ASIC2: variants seen among roughly 807,000 people sequenced by gnomAD.
The protein encoded by ASIC2 is acid sensing ion channel subunit 2.
Under a neutral mutation model 57.3 loss-of-function variants are expected in ASIC2, and 25 were observed. That is an observed-to-expected ratio of 0.44 (90% CI 0.32 to 0.61). The LOEUF is 0.61. Among genes scored for constraint, ASIC2 ranks in the 20% least tolerant of loss-of-function variants. ASIC2 has a pLI of 0.06. For missense variants in ASIC2, 641 were observed against 738.1 expected (o/e 0.87, Z 1.52); for synonymous variants, 319 against 307.5 (o/e 1.04, Z -0.39).
intron 1 of ASIC2, among the ~76,000 whole-genome samples, chr17:33,683,397 G>T: frequency 6.6e-6 from 1 of 152,186 alleles, no homozygotes; most frequent in East Asian, 1.9e-4. Context: ...TTGAAGACAA[G>T]TTCTTGCTCT....
At chr17:33,956,115 C>A (rs1184528764) in intron 1 of ASIC2, among the ~76,000 whole-genome samples, 1 of 151,986 alleles carries the variant, frequency 6.6e-6, no homozygotes, top group Non-Finnish European at 1.5e-5. Context: ...CAAGAAATAG[C>A]TAATGAATTG....
intron 1 of ASIC2, among the ~76,000 whole-genome samples, chr17:33,814,037 C>CT (rs1912506491): frequency 6.6e-6 from 1 of 152,086 alleles, no homozygotes; most frequent in African/African-American, 2.4e-5. Context: ...ACAGAGCATA[C>CT]TGCAGGGGGA....
intron 1 of ASIC2, among the ~76,000 whole-genome samples, chr17:33,217,781 G>A (rs1907551538): frequency 6.6e-6 from 1 of 152,222 alleles, no homozygotes; most frequent in East Asian, 1.9e-4. Flanking sequence ...AGGATTAAAT[G>A]AGATAATGCA....
chr17:33,583,747 T>C (rs1324264091), intron 1 of ASIC2, among the ~76,000 whole-genome samples: 1 of 152,240 alleles, frequency 6.6e-6, no homozygotes, highest in East Asian at 1.9e-4. Context: ...CATACCAATG[T>C]TCAAGGGTGA....
intron 1 of ASIC2, among the ~76,000 whole-genome samples, chr17:33,813,238 A>G (rs1053695745): frequency 3.3e-5 from 5 of 152,170 alleles, no homozygotes; most frequent in African/African-American, 1.2e-4. Flanking sequence ...GACTAGGGAT[A>G]TTAGTGACAT....
chr17:33,590,647 A>G (rs1290951088), intron 1 of ASIC2, among the ~76,000 whole-genome samples: 1 of 151,732 alleles, frequency 6.6e-6, no homozygotes, highest in Non-Finnish European at 1.5e-5. Flanking sequence ...CAATCTCTAC[A>G]CAACACCTCA....
chr17:33,185,159 A>G (rs1597620409), intron 1 of ASIC2, among the ~76,000 whole-genome samples: 1 of 152,222 alleles, frequency 6.6e-6, no homozygotes, highest in Non-Finnish European at 1.5e-5. Context: ...ACTGGCATTC[A>G]TAAGAATTAG....
At chr17:33,532,574 A>T (rs1361990503) in intron 1 of ASIC2, among the ~76,000 whole-genome samples, 1 of 152,206 alleles carries the variant, frequency 6.6e-6, no homozygotes, top group Non-Finnish European at 1.5e-5. Flanking sequence ...AAGAAAGAAG[A>T]TGCTGTAAAA....
chr17:33,133,923 A>G (rs980461756), intron 1 of ASIC2, among the ~76,000 whole-genome samples: 1 of 152,202 alleles, frequency 6.6e-6, no homozygotes, highest in African/African-American at 2.4e-5. Context: ...TCAACCCACA[A>G]AAGACAGTCT....
intron 1 of ASIC2, among the ~76,000 whole-genome samples, chr17:33,143,425 G>T (rs990243824): frequency 6.6e-6 from 1 of 152,148 alleles, no homozygotes; most frequent in South Asian, 2.1e-4. Context: ...CCTACTATGT[G>T]CCAGGTACCA....
At chr17:33,587,143 TGTGGCTGTTTTTG>T (rs764936366) in intron 1 of ASIC2, among the ~76,000 whole-genome samples, 1 of 152,230 alleles carries the variant, frequency 6.6e-6, no homozygotes, top group Non-Finnish European at 1.5e-5. Context: ...ATGTATTGTC[TGTGGCTGTTTTTG>T]GTGCTACCAT....
intron 1 of ASIC2, among the ~76,000 whole-genome samples, chr17:33,549,972 T>C (rs985545892): frequency 2.0e-5 from 3 of 152,184 alleles, no homozygotes; most frequent in Non-Finnish European, 4.4e-5. Flanking sequence ...CTGGACCAGC[T>C]TCACCTCCAG....
intron 1 of ASIC2, chr17:33,626,945 G>C (rs1906004616): frequency 6.6e-6 from 1 of 152,108 alleles, no homozygotes. Flanking sequence ...ACACTCCTTA[G>C]CTTTGTGCAC....
chr17:33,745,866 G>A (rs1910243341), intron 1 of ASIC2, among the ~76,000 whole-genome samples: 2 of 152,018 alleles, frequency 1.3e-5, no homozygotes, highest in South Asian at 4.1e-4. Flanking sequence ...AAAACAAAGA[G>A]CACAAGCAAA....
chr17:33,103,888 G>C (rs1597579287), intron 2 of ASIC2, among the ~76,000 whole-genome samples: 1 of 152,198 alleles, frequency 6.6e-6, no homozygotes, highest in Non-Finnish European at 1.5e-5. Context: ...GGCCATGGGA[G>C]GATGTGTGGG....
chr17:33,208,197 G>C lies in ASIC2; in HGVS notation c.708+83211C>G, dbSNP rs374435778. On this transcript the variant is annotated intron_variant, in intron 1 of 9. Transcript: ENST00000225823. ...TGGGGACTGAGGTGGGTTTGGGAAG[G>C]TGCATCTTACCTGCTGGTGTTGGTG... is the stretch of plus-strand genomic sequence containing the variant. 1.8e-4 allele frequency among the ~76,000 whole-genome samples: 28 copies of C among 152,292 alleles called. No homozygotes were observed. In the South Asian group the frequency reaches 5.2e-3, roughly 28 times the overall value.
At chr17:33,693,299 T>TA in intron 1 of ASIC2, among the ~76,000 whole-genome samples, 1 of 151,944 alleles carries the variant, frequency 6.6e-6, no homozygotes, top group Middle Eastern at 3.4e-3. Flanking sequence ...GCATTAAATT[T>TA]GTAGATGAAC....
intron 1 of ASIC2, among the ~76,000 whole-genome samples, chr17:33,565,556 T>G (rs1916207786): frequency 6.6e-6 from 1 of 152,182 alleles, no homozygotes; most frequent in Admixed American, 6.5e-5. Flanking sequence ...CCCATGCACG[T>G]CCTCATCTTC....
chr17:34,134,454 A>G (rs147859524), intron 1 of ASIC2, among the ~76,000 whole-genome samples: 223 of 152,296 alleles, frequency 1.5e-3, no homozygotes, highest in Non-Finnish European at 2.5e-3. Flanking sequence ...GAAATAATCC[A>G]GGTCAAGTCC....
Sources: allele counts gnomAD v4.1 joint callset (sites outside exome capture counted in the v4.1 genomes callset), GRCh38; gene constraint gnomAD v4.1.1; transcripts MANE v1.5; gene names NCBI Gene and HGNC (gene_info 2026-07-23, HGNC 2026-07-21).